TDO2: variants seen among roughly 807,000 people sequenced by gnomAD.
The protein encoded by TDO2 is tryptamin 2,3-dioxygenase.
TDO2 carries 63 observed loss-of-function variants against 61.2 expected under a neutral mutation model. The ratio of observed to expected loss-of-function variants is 1.03; its 90% CI spans 0.84 to 1.27. The LOEUF is 1.27. Among genes scored for constraint, TDO2 ranks in the 50% most tolerant of loss-of-function variants. TDO2 has a pLI of 0.00. For synonymous variants in TDO2, 183 were observed against 164.0 expected (o/e 1.12, Z -0.89); for missense variants, 494 against 469.5 (o/e 1.05, Z -0.48).
chr4:155,907,962 AT>A (rs1193443099), intron 4 of TDO2, among the ~76,000 whole-genome samples, 170 bp downstream of exon 4: 2 of 152,220 alleles, frequency 1.3e-5, no homozygotes, highest in Non-Finnish European at 2.9e-5. Flanking sequence ...TTCCATTGCT[AT>A]TTTGAAATTA....
chr4:155,914,876 T>A (rs552657071), intron 8 of TDO2, among the ~76,000 whole-genome samples: 1 of 152,316 alleles, frequency 6.6e-6, no homozygotes, highest in South Asian at 2.1e-4. Flanking sequence ...CCTTTTATGA[T>A]CTCATATTCA....
At chr4:155,917,275 GCTC>G in intron 9 of TDO2, 117 bp from the exon 10 acceptor site, 1 of 710,354 alleles carries the variant, frequency 1.4e-6, no homozygotes, top group Non-Finnish European at 2.3e-6. Context: ...AGCTGCCACA[GCTC>G]CTCACAGGCA....
In TDO2 at chr4:155,920,355, G is replaced by T; in HGVS notation, c.*365G>T. On this transcript the variant is annotated 3_prime_UTR_variant, in exon 12 of 12. Transcript: ENST00000536354. Reference sequence around the variant, plus strand: ...AGTACATTATATTATTCTGTACAAAGGCTTTCAAACAAAATTTTTAAAATA... The same window carrying T: ...AGTACATTATATTATTCTGTACAAATGCTTTCAAACAAAATTTTTAAAATA... 1 of 168,502 alleles carries T rather than the reference G, an allele frequency of 5.9e-6. No homozygotes were observed. The highest frequency in any genetic ancestry group is 1.8e-4 in the South Asian group (1 of 5,640). 10.4% of individuals were successfully genotyped at this position (168,502 alleles called of 1,614,324 possible). A position where few individuals can be genotyped will look rare whatever the true frequency, so the allele number is the denominator to read the frequency against.
chr4:155,919,410 T>G (rs984907243), intron 11 of TDO2, among the ~76,000 whole-genome samples: 5 of 152,202 alleles, frequency 3.3e-5, no homozygotes, highest in Non-Finnish European at 7.3e-5. Context: ...GCATTTCAAT[T>G]TATTAAACCC....
intron 5 of TDO2, 129 bp downstream of exon 5, chr4:155,909,143 T>C (rs1742772972): frequency 1.3e-6 from 1 of 774,222 alleles, no homozygotes; most frequent in Admixed American, 4.1e-5. Flanking sequence ...CTATATGGAC[T>C]TAGGGGTCTT....
chr4:155,903,833 A>G (rs368286330), intron 1 of TDO2, 40 bp downstream of exon 1: 187 of 1,609,452 alleles, frequency 1.2e-4, no homozygotes, highest in Non-Finnish European at 1.5e-4. Flanking sequence ...TTTGGCTTTT[A>G]GAAGTATCAG....
chr4:155,906,586 C>A (rs1003507004), intron 3 of TDO2: 1 of 152,072 alleles, frequency 6.6e-6, no homozygotes, highest in Admixed American at 6.6e-5. Flanking sequence ...TAAAAATAAT[C>A]ACCCAATATT....
At chr4:155,910,298 C>T (rs1365053005) in intron 6 of TDO2, 87 bp downstream of exon 6, 16 of 973,118 alleles carry the variant, frequency 1.6e-5, no homozygotes, top group African/African-American at 3.5e-5. Flanking sequence ...AAACGTATAT[C>T]GAAACTGAGT....
Position 155,919,992 on chromosome 4 carries a change from A to G in TDO2, c.*2A>G. The G allele has an allele frequency of 2.5e-6, 4 of 1,611,524 alleles. No individual in the cohort carries two copies. Among genetic ancestry groups the G allele is most frequent in the Non-Finnish European group, 3.4e-6 (4 of 1,179,168 alleles). On this transcript the variant is annotated 3_prime_UTR_variant, in exon 12 of 12. Transcript: ENST00000536354. ...TTCAGCAGTGATGAATCAGATTAAA[A>G]TCGTCTGCAAAATCTATGAAGAATA...
chr4:155,905,218 A>G (rs1742697840), intron 3 of TDO2, 61 bp downstream of exon 3: 1 of 1,242,354 alleles, frequency 8.0e-7, no homozygotes, highest in Non-Finnish European at 1.1e-6. Context: ...TAACGAGGAA[A>G]GCTACAATTT....
intron 11 of TDO2, chr4:155,918,683 A>G (rs1742988326): frequency 6.2e-6 from 1 of 162,316 alleles, no homozygotes; most frequent in South Asian, 1.7e-4. Context: ...CATCTACTCC[A>G]GAGAGTGCCC....
intron 8 of TDO2, among the ~76,000 whole-genome samples, chr4:155,915,104 A>G (rs1014486632): frequency 1.3e-5 from 2 of 152,180 alleles, no homozygotes; most frequent in Non-Finnish European, 2.9e-5. Flanking sequence ...CACAATTAGT[A>G]CTGAGCTGTT....
rs1483003461 is a variant in TDO2 at position 155,918,331 on chromosome 4, AT to A, written c.1067+95del. 7 of 1,152,050 alleles carry A rather than the reference AT, an allele frequency of 6.1e-6. No homozygotes were observed. In the African/African-American group the frequency reaches 1.1e-4, roughly 18 times the overall value. The allele number at this position is 1,152,050 out of a possible 1,614,324, so 71.4% of individuals were successfully genotyped here. A position where few individuals can be genotyped will look rare whatever the true frequency, so the allele number is the denominator to read the frequency against. ...TTTGCTATCTAAAAAAAGCCATTTT[AT>A]TTGCTCCTGTCTGAACTACTAACAA... On this transcript the variant is annotated intron_variant, in intron 11 of 11. Transcript: ENST00000536354.
intron 2 of TDO2, 147 bp from the exon 3 acceptor site, chr4:155,904,920 T>A (rs1174793481): frequency 7.1e-6 from 4 of 566,212 alleles, no homozygotes; most frequent in Non-Finnish European, 1.2e-5. Flanking sequence ...ATGATGAGAT[T>A]CGTCCATTGT....
chr4:155,914,411 G>A lies in TDO2; in HGVS notation c.815G>A (p.Arg272His), dbSNP rs200566767. 11 of 1,597,822 alleles carry A rather than the reference G, an allele frequency of 6.9e-6. No individual in the cohort carries two copies. Among genetic ancestry groups the A allele is most frequent in the Non-Finnish European group, 7.7e-6 (9 of 1,175,910 alleles). The change falls in exon 8 of 12, where the codon CGT (arginine) becomes CAT (histidine). Residue 272 changes from arginine (R) to histidine (H), a missense_variant. Coordinates refer to ENST00000536354, the MANE Select transcript of TDO2 (RefSeq NM_005651.4). ...CTACTGTCCTTATTTGATGAGAAACGTCATGAACATCTCCTTAGTAAAGGC... is the reference window on the plus strand; with the variant it reads ...CTACTGTCCTTATTTGATGAGAAACATCATGAACATCTCCTTAGTAAAGGC... ...EVLLSLFDEK[R>H]HEHLLSKGER...
At chr4:155,909,142 C>G in intron 5 of TDO2, 128 bp downstream of exon 5, 1 of 770,648 alleles carries the variant, frequency 1.3e-6, no homozygotes, top group Non-Finnish European at 1.8e-6. Flanking sequence ...ACTATATGGA[C>G]TTAGGGGTCT....
At chr4:155,907,658 T>G (rs1742741803) in intron 3 of TDO2, 64 bp from the exon 4 acceptor site, 1 of 1,018,702 alleles carries the variant, frequency 9.8e-7, no homozygotes, top group African/African-American at 1.6e-5. Context: ...AACATATCTT[T>G]CATATAATAA....
intron 3 of TDO2, chr4:155,906,265 A>G (rs1273442212): frequency 1.3e-5 from 2 of 152,176 alleles, no homozygotes; most frequent in African/African-American, 4.8e-5. Flanking sequence ...GGTAGCTATC[A>G]TTATTTTATA....
At chr4:155,917,333 C>A in intron 9 of TDO2, 62 bp from the exon 10 acceptor site, 1 of 1,355,826 alleles carries the variant, frequency 7.4e-7, no homozygotes, top group Non-Finnish European at 1.0e-6. Context: ...CAAACTCATG[C>A]TCCTCCTAAC....
Sources: gnomAD v4.1 joint callset for allele counts (sites outside exome capture counted in the v4.1 genomes callset) on GRCh38, gnomAD v4.1.1 for gene constraint, MANE v1.5 for transcripts, NCBI Gene and HGNC (gene_info 2026-07-23, HGNC 2026-07-21) for gene names.